The following NWD1 variants were observed in gnomAD, a reference collection of about 807,000 sequenced individuals.
NWD1 encodes NACHT and WD repeat domain containing 1.
Under a neutral mutation model 135.1 loss-of-function variants are expected in NWD1, and 129 were observed. The ratio of observed to expected loss-of-function variants is 0.96; its 90% confidence interval spans 0.83 to 1.11. The LOEUF is 1.11. Ranked by LOEUF, NWD1 falls within the 50% of genes least tolerant of loss-of-function variation. The pLI is 0.00. For synonymous variants in NWD1, 773 were observed against 786.0 expected (o/e 0.98, Z 0.28); for missense variants, 1,740 against 1,851.3 (o/e 0.94, Z 1.10).
chr19:16,781,397 T>C (rs1969847986), intron 12 of NWD1, among the ~76,000 whole-genome samples: 1 of 152,046 alleles, frequency 6.6e-6, no homozygotes, highest in Non-Finnish European at 1.5e-5. Flanking sequence ...AGGCAGATCA[T>C]TTAAGCTCAG....
Position 16,731,279 on chromosome 19 carries a change from G to T in NWD1, c.81+1G>T. 3 of 1,506,430 alleles carry T rather than the reference G, an allele frequency of 2.0e-6. No homozygotes were observed. Among genetic ancestry groups the T allele is most frequent in the Non-Finnish European group, 2.7e-6 (3 of 1,120,072 alleles). 93.3% of individuals were successfully genotyped at this position (1,506,430 alleles called of 1,614,324 possible). ...CCAGAGGCACGGCTTGATGTTTGAG[G>T]TAACTGGAAGTCACTCCGGGCTCCA... is the stretch of plus-strand genomic sequence containing the variant. On this transcript the variant is annotated splice_donor_variant, in intron 3 of 18. Transcript: ENST00000524140. LOFTEE classifies it high-confidence loss of function.
intron 5 of NWD1, chr19:16,744,923 A>T (rs1968243477): frequency 1.5e-6 from 1 of 655,218 alleles, no homozygotes; most frequent in African/African-American, 1.8e-5. Flanking sequence ...TGGTCTCAGG[A>T]TCTTCCTCTC....
At position 16,765,159 on chromosome 19, in the gene NWD1, C is replaced by T. The variant is rs1227386199; in HGVS notation, c.2377C>T (p.Leu793Phe). Reference protein sequence around the residue: ...EVGLVREALQLCRPAVELRGM... With the variant: ...EVGLVREALQFCRPAVELRGM... The stretch of plus-strand genomic sequence containing the variant: ...TGGCCTGGTCCGTGAAGCCCTCCAG[C>T]TCTGCCGCCCTGCTGTGGAGCTCCG... The change falls in exon 10 of 19, where the codon CTC (leucine) becomes TTC (phenylalanine). Residue 793 changes from leucine to phenylalanine, a missense_variant. Transcript: ENST00000524140. 6.2e-7 allele frequency: 1 copy of T among 1,614,116 alleles called. No individual in the cohort carries two copies. Among genetic ancestry groups the T allele is most frequent in the Non-Finnish European group, 8.5e-7 (1 of 1,180,012 alleles).
chr19:16,770,268 A>G (rs1969369147), intron 10 of NWD1, among the ~76,000 whole-genome samples: 1 of 152,144 alleles, frequency 6.6e-6, no homozygotes, highest in Non-Finnish European at 1.5e-5. Context: ...TTCTCCTGAT[A>G]CTGAGTAAGC....
chr19:16,782,951 C>A (rs559237464), intron 12 of NWD1, among the ~76,000 whole-genome samples: 144 of 148,532 alleles, frequency 9.7e-4, no homozygotes, highest in African/African-American at 3.4e-3. Context: ...TCCTTCCCCC[C>A]TTCCCCTTCC....
intron 12 of NWD1, among the ~76,000 whole-genome samples, chr19:16,787,901 A>ATCATC (rs1970096942): frequency 2.4e-5 from 2 of 84,356 alleles, no homozygotes; most frequent in South Asian, 8.7e-4. Flanking sequence ...TAATAATAAT[A>ATCATC]ATAATCATCA....
intron 10 of NWD1, among the ~76,000 whole-genome samples, chr19:16,769,656 G>C (rs1165095290): frequency 2.0e-5 from 3 of 152,098 alleles, no homozygotes; most frequent in Non-Finnish European, 4.4e-5. Flanking sequence ...GCGTGCCGGG[G>C]GCCCTGGGCT....
intron 6 of NWD1, among the ~76,000 whole-genome samples, chr19:16,755,229 G>A (rs936921304): frequency 2.0e-5 from 3 of 150,286 alleles, no homozygotes; most frequent in South Asian, 2.1e-4. Flanking sequence ...CTCTTTTTTG[G>A]GGGGGGACAG....
chr19:16,780,425 G>A (rs1377855757), intron 12 of NWD1, among the ~76,000 whole-genome samples: 35 of 152,068 alleles, frequency 2.3e-4, no homozygotes, highest in Non-Finnish European at 1.5e-5. Flanking sequence ...CAAAGTGCTG[G>A]GATTACAGGC....
At chr19:16,720,469 C>T (rs1967095521) in intron 1 of NWD1, among the ~76,000 whole-genome samples, 176 bp downstream of exon 1, 1 of 152,098 alleles carries the variant, frequency 6.6e-6, no homozygotes, top group African/African-American at 2.4e-5. Context: ...GTGCAAAGGC[C>T]CTGAGGTTGA....
intron 14 of NWD1, among the ~76,000 whole-genome samples, chr19:16,793,312 C>T (rs1280626732): frequency 6.6e-6 from 1 of 152,096 alleles, no homozygotes; most frequent in Non-Finnish European, 1.5e-5. Context: ...TGGCTCCCTG[C>T]AGCCTCGACC....
intron 10 of NWD1, among the ~76,000 whole-genome samples, chr19:16,766,361 C>T (rs192874711): frequency 5.9e-5 from 9 of 152,010 alleles, no homozygotes; most frequent in Non-Finnish European, 8.8e-5. Context: ...GTGATTGCTC[C>T]GCTGCATTCC....
chr19:16,745,072 C>A (rs192173264), intron 5 of NWD1: 1 of 483,200 alleles, frequency 2.1e-6, no homozygotes, highest in East Asian at 6.1e-5. Flanking sequence ...CTCACAATTC[C>A]ACATGGCTGG....
chr19:16,765,143 C>A lies in NWD1; in HGVS notation c.2361C>A (p.Val787=), dbSNP rs375040257. ...TGGACTCCCCTGAGGTTGGCCTGGT[C>A]CGTGAAGCCCTCCAGCTCTGCCGCC... ...PHLDSPEVGL[V]REALQLCRPA... The change falls in exon 10 of 19, where the codon GTC becomes GTA. Residue 787 remains valine (V), a synonymous_variant. Transcript: ENST00000524140. 36 of 1,614,148 alleles carry A rather than the reference C, an allele frequency of 2.2e-5. No homozygotes were observed. The African/African-American group carries it at 2.9e-4, about 13-fold the overall frequency.
At chr19:16,814,081 G>A (rs972535315) in intron 18 of NWD1, among the ~76,000 whole-genome samples, 4 of 152,132 alleles carry the variant, frequency 2.6e-5, no homozygotes, top group African/African-American at 9.7e-5. Flanking sequence ...GGAGGTCGAG[G>A]TGTGGGAGAT....
chr19:16,767,797 C>A lies in NWD1; in HGVS notation c.2410+2605C>A, dbSNP rs577681053. Among the ~76,000 whole-genome samples the A allele has an allele frequency of 7.9e-5, 12 of 152,040 alleles. No individual in the cohort carries two copies. The East Asian group carries it at 2.3e-3, about 30-fold the overall frequency. On this transcript the variant is annotated intron_variant, in intron 10 of 18. Coordinates refer to ENST00000524140, the MANE Select transcript of NWD1 (RefSeq NM_001007525.5). ...CACAGAGCCAACCCATATCTCTCCCCATTCTCCCTTCACCCCAGTCCCTGG... is the reference window on the plus strand; with the variant it reads ...CACAGAGCCAACCCATATCTCTCCCAATTCTCCCTTCACCCCAGTCCCTGG...
intron 4 of NWD1, among the ~76,000 whole-genome samples, chr19:16,742,395 A>T (rs1968122096): frequency 6.6e-6 from 1 of 151,930 alleles, no homozygotes. Flanking sequence ...AATAAATAAT[A>T]AATAAATAAA....
chr19:16,737,971 A>C (rs2122734283), intron 4 of NWD1, among the ~76,000 whole-genome samples: 1 of 148,022 alleles, frequency 6.8e-6, no homozygotes, highest in African/African-American at 2.5e-5. Flanking sequence ...TCTCGAAAAG[A>C]AAAGAAAAGA....
At chr19:16,811,466 C>G (rs1970921442) in intron 18 of NWD1, among the ~76,000 whole-genome samples, 1 of 151,668 alleles carries the variant, frequency 6.6e-6, no homozygotes, top group African/African-American at 2.4e-5. Context: ...TGCCTGTAAT[C>G]CCAGCTACTT....
Sources: allele counts gnomAD v4.1 joint callset (sites outside exome capture counted in the v4.1 genomes callset), GRCh38; gene constraint gnomAD v4.1.1; transcripts MANE v1.5; gene names NCBI Gene and HGNC (gene_info 2026-07-23, HGNC 2026-07-21).